Variants in MYLK observed in about 807,000 individuals in gnomAD.
MYLK encodes the protein myosin light chain kinase, also known as myosin light chain kinase, smooth muscle.
Under a neutral mutation model 203.4 loss-of-function variants are expected in MYLK, and 106 were observed. The ratio of observed to expected loss-of-function variants is 0.52; its 90% confidence interval spans 0.45 to 0.61. MYLK has a LOEUF of 0.61. Ranked by LOEUF, MYLK falls within the 20% of genes least tolerant of loss-of-function variation. The pLI is 0.00. For synonymous variants in MYLK, 867 were observed against 959.5 expected (o/e 0.90, Z 1.78); for missense variants, 2,072 against 2,442.3 (o/e 0.85, Z 3.20).
chr3:123,801,563 C>T (rs1218015291), intron 3 of MYLK, among the ~76,000 whole-genome samples: 1 of 152,154 alleles, frequency 6.6e-6, no homozygotes, highest in African/African-American at 2.4e-5. Context: ...AGTTTTTCAG[C>T]CCTTGCTCCC....
At chr3:123,863,323 G>T (rs2032070368) in intron 2 of MYLK, among the ~76,000 whole-genome samples, 1 of 149,006 alleles carries the variant, frequency 6.7e-6, no homozygotes, top group South Asian at 2.1e-4. Context: ...GTAATTTTGG[G>T]GGTGGTAAAA....
chr3:123,856,509 A>G (rs1369085066), intron 2 of MYLK, among the ~76,000 whole-genome samples: 1 of 152,196 alleles, frequency 6.6e-6, no homozygotes, highest in East Asian at 1.9e-4. Context: ...TTTATTGAGT[A>G]CCTCTTAATA....
At chr3:123,875,787 T>C (rs1044750065) in intron 2 of MYLK, among the ~76,000 whole-genome samples, 28 of 152,166 alleles carry the variant, frequency 1.8e-4, no homozygotes, top group African/African-American at 6.8e-4. Context: ...AAAAAGACAG[T>C]AGAAACTGCC....
intron 2 of MYLK, among the ~76,000 whole-genome samples, chr3:123,832,249 G>A (rs868867278): frequency 1.3e-5 from 2 of 152,192 alleles, no homozygotes; most frequent in African/African-American, 4.8e-5. Flanking sequence ...GGTGGAACAC[G>A]GGACCCCCGA....
At position 123,842,118 on chromosome 3, in the gene MYLK, A is replaced by C. The variant is rs186683707; in HGVS notation, c.-126-10448T>G. Among the ~76,000 whole-genome samples the C allele has an allele frequency of 2.0e-5, 3 of 152,264 alleles. No individual in the cohort carries two copies. In the East Asian group the frequency reaches 5.8e-4, roughly 29 times the overall value. ...ATATACAATATCTATCTATATCTGT[A>C]GCTATATATTCCACCTATATACTAT... On this transcript the variant is annotated intron_variant, in intron 2 of 33. Coordinates refer to ENST00000360304, the MANE Select transcript of MYLK (RefSeq NM_053025.4).
At chr3:123,710,461 G>A (rs1475989116) in intron 13 of MYLK, among the ~76,000 whole-genome samples, 4 of 152,168 alleles carry the variant, frequency 2.6e-5, no homozygotes, top group African/African-American at 7.2e-5. Context: ...GAGCTTCTTT[G>A]TCATTTTCGA....
chr3:123,846,455 C>T (rs1324573875), intron 2 of MYLK, among the ~76,000 whole-genome samples: 1 of 152,094 alleles, frequency 6.6e-6, no homozygotes, highest in Admixed American at 6.6e-5. Flanking sequence ...ATATAGTATG[C>T]ATAATATTTC....
intron 20 of MYLK, among the ~76,000 whole-genome samples, chr3:123,672,820 A>G (rs1177364085): frequency 6.6e-6 from 1 of 152,214 alleles, no homozygotes; most frequent in Admixed American, 6.5e-5. Context: ...TACATATTTT[A>G]TATGACCATC....
At chr3:123,753,070 T>C (rs2063251930) in intron 4 of MYLK, among the ~76,000 whole-genome samples, 1 of 152,098 alleles carries the variant, frequency 6.6e-6, no homozygotes, top group Non-Finnish European at 1.5e-5. Flanking sequence ...AGTAGCAAGG[T>C]TCAGGACCTG....
intron 24 of MYLK, among the ~76,000 whole-genome samples, chr3:123,649,989 C>CA (rs1456948656): frequency 2.6e-5 from 4 of 152,192 alleles, no homozygotes; most frequent in Non-Finnish European, 5.9e-5. Flanking sequence ...GGGAGGGACA[C>CA]AGTCATGCCA....
chr3:123,620,109 TAA>T (rs397962965), intron 32 of MYLK, 96 bp downstream of exon 32: 64 of 875,986 alleles, frequency 7.3e-5, no homozygotes, highest in Middle Eastern at 2.3e-4. Context: ...AATATTAAAA[TAA>T]AAAAAAAAAG....
rs189911796 is a variant in MYLK, at chr3:123,777,351, A to G, written c.165+16326T>C. 1.6e-4 allele frequency among the ~76,000 whole-genome samples: 25 copies of G among 152,322 alleles called. No individual in the cohort carries two copies. In the East Asian group the frequency reaches 4.8e-3, roughly 29 times the overall value. ...GAAATCTGTGCTTTCTATTCTTTCC[A>G]TGGCCCCACAACACAGAGTTTCTTG... On this transcript the variant is annotated intron_variant, in intron 4 of 33. Transcript: ENST00000360304.
At chr3:123,866,862 C>T (rs2032364673) in intron 2 of MYLK, among the ~76,000 whole-genome samples, 1 of 152,150 alleles carries the variant, frequency 6.6e-6, no homozygotes, top group Non-Finnish European at 1.5e-5. Context: ...CAGTCCCTCC[C>T]TCCTCACCCT....
At chr3:123,712,139 C>T (rs2108668756) in intron 13 of MYLK, among the ~76,000 whole-genome samples, 1 of 152,344 alleles carries the variant, frequency 6.6e-6, no homozygotes, top group South Asian at 2.1e-4. Flanking sequence ...GTGCTGCTGA[C>T]TCAGCACCGC....
chr3:123,831,342 C>T (rs2066320030), intron 3 of MYLK: 1 of 1,281,402 alleles, frequency 7.8e-7, no homozygotes. Flanking sequence ...AGAATTCTGA[C>T]CAGCTAAGCC....
At chr3:123,682,433 C>T in intron 19 of MYLK, 123 bp from the exon 20 acceptor site, 2 of 778,210 alleles carry the variant, frequency 2.6e-6, no homozygotes, top group Non-Finnish European at 4.4e-6. Context: ...TTTGTGCCCG[C>T]TGGGCAGAAC....
At chr3:123,738,821 C>G in intron 7 of MYLK, 76 bp downstream of exon 7, 1 of 1,534,496 alleles carries the variant, frequency 6.5e-7, no homozygotes, top group Non-Finnish European at 8.8e-7. Context: ...ATTACCCAGT[C>G]TCGGGTATGT....
At chr3:123,819,115 T>A (rs555733874) in intron 3 of MYLK, among the ~76,000 whole-genome samples, 4 of 152,198 alleles carry the variant, frequency 2.6e-5, no homozygotes, top group Non-Finnish European at 5.9e-5. Flanking sequence ...CTTCCTTTCC[T>A]TTTTATTGAT....
At chr3:123,738,860 C>A (rs1181548136) in intron 7 of MYLK, 37 bp downstream of exon 7, 6 of 1,588,146 alleles carry the variant, frequency 3.8e-6, no homozygotes, top group Non-Finnish European at 5.1e-6. Flanking sequence ...CAGACTAATA[C>A]AGGCTGGATC....
Sources: allele counts gnomAD v4.1 joint callset (sites outside exome capture counted in the v4.1 genomes callset), GRCh38; gene constraint gnomAD v4.1.1; transcripts MANE v1.5; gene names NCBI Gene and HGNC (gene_info 2026-07-23, HGNC 2026-07-21).